The following ACACA variants were observed in gnomAD, a reference collection of about 807,000 sequenced individuals.
ACACA encodes the protein acetyl-CoA carboxylase alpha.
A neutral mutation model predicts 296.1 loss-of-function variants in ACACA; 103 were observed. That is an observed-to-expected ratio of 0.35 (90% CI 0.30 to 0.41). The LOEUF (loss-of-function observed/expected upper bound fraction) is 0.41, where lower values mean the gene tolerates loss of function less well. ACACA is among the 10% of genes least tolerant of loss of function. ACACA has a pLI of 1.00. For synonymous variants in ACACA, 953 were observed against 1,038.6 expected, an observed-to-expected ratio of 0.92 and a Z score of 1.58; for missense variants, 1,554 against 2,989.7, an observed-to-expected ratio of 0.52 and a Z score of 11.20.
chr17:37,112,962 A>G, intron 51 of ACACA, 126 bp downstream of exon 51: 1 of 1,177,256 alleles, frequency 8.5e-7, no homozygotes, highest in Non-Finnish European at 1.2e-6. Context: ...AATGGAAGGA[A>G]AAAGCTTTGG....
In ACACA at chr17:37,101,631, A is replaced by G. The variant is rs150830019; in HGVS notation, c.6566-3647T>C. On this transcript the variant is annotated intron_variant, in intron 52 of 55. Coordinates refer to ENST00000616317, the MANE Select transcript of ACACA (RefSeq NM_198834.3). ...TTGGGCAGAAGACACGTGCTTCAGT[A>G]GTAGTGTCCCTTTAATTTCTGAGAG... 3.2e-3 allele frequency among the ~76,000 whole-genome samples: 490 copies of G among 152,314 alleles called. 3 individuals are homozygous for G. The highest frequency in any genetic ancestry group is 0.011 in the African/African-American group (476 of 41,568).
At chr17:37,357,331 G>A (rs1277477888) in intron 1 of ACACA, among the ~76,000 whole-genome samples, 3 of 151,894 alleles carry the variant, frequency 2.0e-5, no homozygotes, top group Admixed American at 6.6e-5. Flanking sequence ...TGTCTCTACC[G>A]AAAATACAAA....
chr17:37,188,176 G>A (rs2077609665), intron 39 of ACACA, 101 bp downstream of exon 39: 2 of 1,133,708 alleles, frequency 1.8e-6, no homozygotes, highest in Non-Finnish European at 2.6e-6. Flanking sequence ...CCCACCAGGT[G>A]AACCAATGGG....
chr17:37,325,573 T>C (rs1433378498), intron 3 of ACACA, among the ~76,000 whole-genome samples: 3 of 139,080 alleles, frequency 2.2e-5, no homozygotes, highest in South Asian at 2.2e-4. Flanking sequence ...TTATTTTCTT[T>C]TCTTTCTTTT....
At chr17:37,393,041 C>A (rs2050946819) in intron 1 of ACACA, among the ~76,000 whole-genome samples, 1 of 151,006 alleles carries the variant, frequency 6.6e-6, no homozygotes, top group African/African-American at 2.4e-5. Flanking sequence ...ACTGGGGAGG[C>A]TGAGGCAGGA....
intron 19 of ACACA, 99 bp from the exon 20 acceptor site, chr17:37,245,313 C>A (rs1454711509): frequency 8.0e-7 from 1 of 1,252,780 alleles, no homozygotes; most frequent in Non-Finnish European, 1.2e-6. Context: ...AGTTGGACCA[C>A]ACCTAATTTG....
chr17:37,316,298 T>TAC (rs1376843680), intron 3 of ACACA, among the ~76,000 whole-genome samples: 3 of 95,700 alleles, frequency 3.1e-5, no homozygotes, highest in African/African-American at 1.8e-4. Flanking sequence ...GCTCTACCCT[T>TAC]ACATACACAC....
chr17:37,323,436 A>T (rs546729022), intron 3 of ACACA, among the ~76,000 whole-genome samples: 1 of 152,250 alleles, frequency 6.6e-6, no homozygotes, highest in African/African-American at 2.4e-5. Flanking sequence ...CTCTAAAAAA[A>T]TTTTAAAAAT....
intron 41 of ACACA, among the ~76,000 whole-genome samples, chr17:37,167,612 C>A (rs1284836459): frequency 6.6e-6 from 1 of 151,258 alleles, no homozygotes; most frequent in African/African-American, 2.4e-5. Context: ...AGCCACCGCG[C>A]CCAGCCAAGA....
intron 41 of ACACA, among the ~76,000 whole-genome samples, chr17:37,168,442 A>C (rs2076764606): frequency 6.6e-6 from 1 of 152,106 alleles, no homozygotes. Context: ...AAAACTACCA[A>C]ATACTCTTCA....
At chr17:37,269,406 T>G (rs764010421) in intron 10 of ACACA, among the ~76,000 whole-genome samples, 1 of 152,190 alleles carries the variant, frequency 6.6e-6, no homozygotes, top group African/African-American at 2.4e-5. Context: ...CCTAACCTAA[T>G]GAACACCATA....
chr17:37,186,728 T>C (rs1237067738), intron 39 of ACACA, among the ~76,000 whole-genome samples: 2 of 152,152 alleles, frequency 1.3e-5, no homozygotes, highest in Non-Finnish European at 2.9e-5. Flanking sequence ...AAAAAGCGTT[T>C]TCCTTCAGGT....
intron 4 of ACACA, 150 bp downstream of exon 4, chr17:37,284,688 G>A: frequency 2.3e-6 from 2 of 887,996 alleles, no homozygotes; most frequent in Non-Finnish European, 3.7e-6. Flanking sequence ...TTAATAGGAT[G>A]CTAGGGAGGC....
intron 30 of ACACA, 36 bp from the exon 31 acceptor site, chr17:37,207,836 A>T (rs998879437): frequency 6.2e-7 from 1 of 1,610,388 alleles, no homozygotes; most frequent in Non-Finnish European, 8.5e-7. Flanking sequence ...TTAGACAAGG[A>T]GGGTAGGAGC....
At chr17:37,166,277 C>A (rs570177871) in intron 41 of ACACA, among the ~76,000 whole-genome samples, 2 of 151,946 alleles carry the variant, frequency 1.3e-5, no homozygotes, top group South Asian at 2.1e-4. Flanking sequence ...GGACCACAGG[C>A]ATGTGTGTTA....
intron 11 of ACACA, among the ~76,000 whole-genome samples, chr17:37,259,916 G>C (rs1430741214): frequency 2.8e-5 from 4 of 141,982 alleles, no homozygotes; most frequent in African/African-American, 1.1e-4. Flanking sequence ...GTCTCACTCT[G>C]TCTCCTGGGC....
chr17:37,287,729 C>T (rs1054963845), intron 3 of ACACA, among the ~76,000 whole-genome samples: 5 of 148,700 alleles, frequency 3.4e-5, no homozygotes, highest in South Asian at 2.1e-4. Context: ...GGCGACAGAG[C>T]GAGACTCTGT....
intron 3 of ACACA, among the ~76,000 whole-genome samples, chr17:37,297,380 G>A (rs2083393637): frequency 6.6e-6 from 1 of 150,390 alleles, no homozygotes; most frequent in African/African-American, 2.4e-5. Flanking sequence ...GGCAGAGGTT[G>A]TGGTGAGCCA....
At chr17:37,325,109 G>A (rs375923003) in intron 3 of ACACA, among the ~76,000 whole-genome samples, 12 of 151,378 alleles carry the variant, frequency 7.9e-5, no homozygotes, top group African/African-American at 2.7e-4. Flanking sequence ...GCTGAGGCAG[G>A]AGAATCGCTT....
Sources: allele counts gnomAD v4.1 joint callset (sites outside exome capture counted in the v4.1 genomes callset), GRCh38; gene constraint gnomAD v4.1.1; transcripts MANE v1.5; gene names NCBI Gene and HGNC (gene_info 2026-07-23, HGNC 2026-07-21).